The following PTPRT variants were observed in gnomAD, a reference collection of about 807,000 sequenced individuals.
PTPRT encodes the protein protein tyrosine phosphatase receptor type T.
PTPRT carries 56 observed loss-of-function variants against 176.8 expected under a neutral mutation model. The ratio of observed to expected loss-of-function variants is 0.32; its 90% CI spans 0.26 to 0.40. The LOEUF (loss-of-function observed/expected upper bound fraction) is 0.40, where lower values mean the gene tolerates loss of function less well. Among genes scored for constraint, PTPRT ranks in the 10% least tolerant of loss-of-function variants. The probability of loss-of-function intolerance (pLI) is 1.00; values close to 1 mark genes in which losing one functional copy is unlikely to be tolerated. For synonymous variants in PTPRT, 783 were observed against 739.0 expected (o/e 1.06, Z -0.96); for missense variants, 1,540 against 1,908.2 (o/e 0.81, Z 3.60).
At chr20:42,421,155 C>T (rs1403493254) in intron 9 of PTPRT, among the ~76,000 whole-genome samples, 1 of 152,030 alleles carries the variant, frequency 6.6e-6, no homozygotes, top group East Asian at 1.9e-4. Context: ...TGATTACCTC[C>T]CATCTTTCTG....
chr20:42,137,687 C>T (rs974190709), intron 18 of PTPRT, among the ~76,000 whole-genome samples: 1 of 152,220 alleles, frequency 6.6e-6, no homozygotes, highest in African/African-American at 2.4e-5. Flanking sequence ...AAGTCTGTGA[C>T]TTAAGGGGCC....
chr20:42,708,378 G>A (rs1238663983), intron 6 of PTPRT, among the ~76,000 whole-genome samples: 1 of 152,130 alleles, frequency 6.6e-6, no homozygotes, highest in Non-Finnish European at 1.5e-5. Context: ...ACTTGAAAAA[G>A]AGAACCACAT....
chr20:43,159,111 T>A lies in PTPRT; in HGVS notation c.88+30535A>T, dbSNP rs142267872. ...AAGAAAGAAGCCAGTGAAGGGTGTG[T>A]TCTCAAGCCAGTTATCGCTGTCAGC... On this transcript the variant is annotated intron_variant, in intron 1 of 30. Transcript: ENST00000373187. 5.2e-3 allele frequency among the ~76,000 whole-genome samples: 784 copies of A among 152,222 alleles called. 1 individual carries two copies. The highest frequency in any genetic ancestry group is 0.011 in the Admixed American group (163 of 15,300).
In PTPRT at chr20:42,264,767, T is replaced by C. The variant is rs545422592; in HGVS notation, c.2177-15945A>G. Among the ~76,000 whole-genome samples the C allele has an allele frequency of 2.0e-5, 3 of 152,344 alleles. No homozygotes were observed. The East Asian group carries it at 5.8e-4, about 29-fold the overall frequency. On this transcript the variant is annotated intron_variant, in intron 13 of 30. Coordinates refer to ENST00000373187, the MANE Select transcript of PTPRT (RefSeq NM_007050.6). Reference sequence around the variant, plus strand: ...GTTGCTGTGCTGCTGTGCCCAGCCATCCACCTTATATCCTAAAGCTTTGAT... The same window carrying C: ...GTTGCTGTGCTGCTGTGCCCAGCCACCCACCTTATATCCTAAAGCTTTGAT...
At chr20:42,567,369 A>G (rs2073059418) in intron 7 of PTPRT, among the ~76,000 whole-genome samples, 1 of 152,200 alleles carries the variant, frequency 6.6e-6, no homozygotes, top group African/African-American at 2.4e-5. Flanking sequence ...TCTATTTATT[A>G]CTGCAGCCAC....
chr20:43,127,422 CAAAAA>C (rs35897839), intron 1 of PTPRT, among the ~76,000 whole-genome samples: 1 of 101,354 alleles, frequency 9.9e-6, no homozygotes, highest in African/African-American at 3.7e-5. Context: ...GACTCCATCT[CAAAAA>C]AAAAAAAAAA....
intron 7 of PTPRT, among the ~76,000 whole-genome samples, chr20:42,535,703 G>C (rs1208379355): frequency 6.6e-6 from 1 of 152,158 alleles, no homozygotes; most frequent in Non-Finnish European, 1.5e-5. Context: ...TGGTTGATGG[G>C]ACCAAGTAAT....
intron 6 of PTPRT, among the ~76,000 whole-genome samples, chr20:42,692,986 G>T (rs558554690): frequency 6.6e-6 from 1 of 152,256 alleles, no homozygotes; most frequent in South Asian, 2.1e-4. Context: ...TAATATGGGT[G>T]TACATGTATA....
chr20:42,954,609 CTT>C (rs138606631), intron 1 of PTPRT, among the ~76,000 whole-genome samples: 1 of 151,174 alleles, frequency 6.6e-6, no homozygotes, highest in African/African-American at 2.4e-5. Flanking sequence ...TGCGTGTTTG[CTT>C]TTTTTTTACC....
chr20:43,165,410 G>A (rs930824708), intron 1 of PTPRT, among the ~76,000 whole-genome samples: 3 of 152,028 alleles, frequency 2.0e-5, no homozygotes, highest in Admixed American at 1.3e-4. Flanking sequence ...TGATCCACCC[G>A]ACTCGGCCTC....
intron 16 of PTPRT, among the ~76,000 whole-genome samples, chr20:42,168,317 T>C (rs1989919175): frequency 6.6e-6 from 1 of 152,178 alleles, no homozygotes; most frequent in Non-Finnish European, 1.5e-5. Context: ...GGTCTTTATT[T>C]GTAATTGCTG....
chr20:42,206,910 G>C (rs549150460), intron 15 of PTPRT, among the ~76,000 whole-genome samples: 1 of 152,338 alleles, frequency 6.6e-6, no homozygotes, highest in South Asian at 2.1e-4. Flanking sequence ...GCTTTGAAGA[G>C]AGCAGTGGTT....
intron 3 of PTPRT, among the ~76,000 whole-genome samples, chr20:42,781,029 A>T (rs763810101): frequency 6.6e-6 from 1 of 151,754 alleles, no homozygotes; most frequent in Non-Finnish European, 1.5e-5. Context: ...CTCATTTTTC[A>T]CCTTCTGGAA....
At chr20:42,501,997 A>G (rs868376700) in intron 7 of PTPRT, among the ~76,000 whole-genome samples, 1 of 152,106 alleles carries the variant, frequency 6.6e-6, no homozygotes, top group South Asian at 2.1e-4. Context: ...TTTTCTTTGA[A>G]TGCTTGGTCA....
rs541889150 is a variant in PTPRT at position 42,962,429 on chromosome 20, G to C, written c.89-76497C>G. On this transcript the variant is annotated intron_variant, in intron 1 of 30. Coordinates refer to ENST00000373187, the MANE Select transcript of PTPRT (RefSeq NM_007050.6). Reference sequence around the variant, plus strand: ...AAAGACAAAAGAGATATGTTATAGGGATGAAAAGAATACCTAAATTACAAA... The same window carrying C: ...AAAGACAAAAGAGATATGTTATAGGCATGAAAAGAATACCTAAATTACAAA... Among the ~76,000 whole-genome samples, 39 of 151,270 alleles carry C rather than the reference G, an allele frequency of 2.6e-4. 1 individual carries two copies. The South Asian group carries it at 8.1e-3, about 32-fold the overall frequency.
In PTPRT at chr20:42,078,015, C is replaced by G. The variant is rs1188224339; in HGVS notation, c.*2864G>C. On this transcript the variant is annotated 3_prime_UTR_variant, in exon 31 of 31. Coordinates refer to ENST00000373187, the MANE Select transcript of PTPRT (RefSeq NM_007050.6). Reference sequence around the variant, plus strand: ...TACCAAGATCTAAGAAAATAGCATACAGCAGGCAGATTTGCCATGCTACAG... The same window carrying G: ...TACCAAGATCTAAGAAAATAGCATAGAGCAGGCAGATTTGCCATGCTACAG... 1 of 189,722 alleles carries G rather than the reference C, an allele frequency of 5.3e-6. No individual in the cohort carries two copies. Among genetic ancestry groups the G allele is most frequent in the African/African-American group, 2.3e-5 (1 of 42,872 alleles). The allele number at this position is 189,722 out of a possible 1,614,324, so 11.8% of individuals were successfully genotyped here.
intron 2 of PTPRT, among the ~76,000 whole-genome samples, chr20:42,793,387 A>G (rs1037814621): frequency 1.3e-5 from 2 of 152,176 alleles, no homozygotes; most frequent in Non-Finnish European, 2.9e-5. Context: ...CTCTGCGTCC[A>G]TGTGTACGCA....
At chr20:42,257,358 G>T (rs1341817128) in intron 13 of PTPRT, among the ~76,000 whole-genome samples, 1 of 152,138 alleles carries the variant, frequency 6.6e-6, no homozygotes, top group East Asian at 1.9e-4. Context: ...GAACAATAAA[G>T]AGGTAACACA....
intron 7 of PTPRT, among the ~76,000 whole-genome samples, chr20:42,565,745 C>G (rs62203782): frequency 6.6e-6 from 1 of 152,034 alleles, no homozygotes; most frequent in Non-Finnish European, 1.5e-5. Context: ...AGGGGATGAG[C>G]GCATTGGTGT....
Sources: allele counts gnomAD v4.1 joint callset (sites outside exome capture counted in the v4.1 genomes callset), GRCh38; gene constraint gnomAD v4.1.1; transcripts MANE v1.5; gene names NCBI Gene and HGNC (gene_info 2026-07-23, HGNC 2026-07-21).